CFAP299: variants seen among roughly 807,000 people sequenced by gnomAD.
CFAP299 encodes cilia- and flagella-associated protein 299.
Under a neutral mutation model 27.0 loss-of-function variants are expected in CFAP299, and 21 were observed. The ratio of observed to expected loss-of-function variants is 0.78; its 90% CI spans 0.55 to 1.12. The LOEUF is 1.12. Ranked by LOEUF, CFAP299 falls within the 50% of genes most tolerant of loss-of-function variation. The pLI, the probability that CFAP299 is intolerant of heterozygous loss-of-function variation, is 0.00. For missense variants in CFAP299, 310 were observed against 276.6 expected (o/e 1.12, Z -0.86); for synonymous variants, 104 against 98.1 (o/e 1.06, Z -0.36).
intron 3 of CFAP299, among the ~76,000 whole-genome samples, chr4:80,807,008 A>G (rs1303195064): frequency 1.3e-5 from 2 of 152,202 alleles, no homozygotes; most frequent in Non-Finnish European, 2.9e-5. Context: ...CTTTGGGCTT[A>G]TTCATGAACT....
At chr4:80,351,553 T>G (rs1723015283) in intron 1 of CFAP299, among the ~76,000 whole-genome samples, 1 of 151,864 alleles carries the variant, frequency 6.6e-6, no homozygotes. Context: ...AATAATCAAA[T>G]ATCAAAGCAA....
chr4:80,490,147 T>C (rs1412523059), intron 2 of CFAP299, among the ~76,000 whole-genome samples: 1 of 152,214 alleles, frequency 6.6e-6, no homozygotes, highest in Non-Finnish European at 1.5e-5. Flanking sequence ...ATGATCCATG[T>C]TACCTCTTAT....
chr4:80,475,621 C>A (rs566100473), intron 2 of CFAP299, among the ~76,000 whole-genome samples: 50 of 152,162 alleles, frequency 3.3e-4, no homozygotes, highest in South Asian at 1.0e-3. Context: ...AATATCTTTT[C>A]GATATGTTAA....
chr4:80,411,035 T>C (rs911497745), intron 2 of CFAP299, among the ~76,000 whole-genome samples: 2 of 152,180 alleles, frequency 1.3e-5, no homozygotes, highest in African/African-American at 4.8e-5. Flanking sequence ...GGTAATGTAT[T>C]ATACGTGTCA....
rs376169005 is a variant in CFAP299 at position 80,800,557 on chromosome 4, T to TAA, written c.334-69436_334-69435insAA. ...ATATAATATATAATATATCAATATA[T>TAA]TATATAATATATTAATATAAATATA... On this transcript the variant is annotated intron_variant, in intron 3 of 5. Coordinates refer to ENST00000358105, the MANE Select transcript of CFAP299 (RefSeq NM_152770.3). 1.1e-3 allele frequency among the ~76,000 whole-genome samples: 41 copies of TAA among 37,826 alleles called. 2 individuals carry two copies. The highest frequency in any genetic ancestry group is 2.0e-3 in the Admixed American group (4 of 1,972). 24.8% of individuals were successfully genotyped at this position (37,826 alleles called of 152,430 possible).
chr4:80,865,527 T>C (rs1732670009), intron 3 of CFAP299, among the ~76,000 whole-genome samples: 1 of 152,210 alleles, frequency 6.6e-6, no homozygotes, highest in African/African-American at 2.4e-5. Flanking sequence ...ATTAAATGTT[T>C]AGTTGTAATT....
chr4:80,460,699 G>A (rs547867810), intron 2 of CFAP299, among the ~76,000 whole-genome samples: 1 of 152,282 alleles, frequency 6.6e-6, no homozygotes, highest in East Asian at 1.9e-4. Context: ...TGTAACCAAA[G>A]ATAAATCCAA....
chr4:80,605,389 ATCACTT>A (rs1217042340), intron 3 of CFAP299, among the ~76,000 whole-genome samples: 1 of 152,192 alleles, frequency 6.6e-6, no homozygotes, highest in Non-Finnish European at 1.5e-5. Context: ...TTTCATAATA[ATCACTT>A]TTTCTTAAAC....
chr4:80,872,832 G>C, intron 4 of CFAP299: 1 of 877,408 alleles, frequency 1.1e-6, no homozygotes, highest in Non-Finnish European at 1.4e-6. Flanking sequence ...CAAATTATAA[G>C]ATTCGTTTTA....
chr4:80,831,648 G>A (rs539537178), intron 3 of CFAP299, among the ~76,000 whole-genome samples: 4 of 152,182 alleles, frequency 2.6e-5, no homozygotes, highest in Non-Finnish European at 4.4e-5. Context: ...ACTCTCAAGT[G>A]AGTTACATAC....
chr4:80,600,316 C>T (rs1178005992), intron 3 of CFAP299, among the ~76,000 whole-genome samples: 2 of 152,086 alleles, frequency 1.3e-5, no homozygotes, highest in Non-Finnish European at 2.9e-5. Flanking sequence ...ATGAACTCCC[C>T]TTTTACCCTT....
At chr4:80,945,438 A>G (rs1460617086) in intron 5 of CFAP299, among the ~76,000 whole-genome samples, 1 of 152,246 alleles carries the variant, frequency 6.6e-6, no homozygotes, top group Non-Finnish European at 1.5e-5. Flanking sequence ...TTTTAAAGAC[A>G]TGTCTCATGA....
At chr4:80,742,400 T>C (rs1724327924) in intron 3 of CFAP299, among the ~76,000 whole-genome samples, 1 of 152,196 alleles carries the variant, frequency 6.6e-6, no homozygotes, top group African/African-American at 2.4e-5. Context: ...CAAATAATTT[T>C]TTAGTTTCTA....
intron 2 of CFAP299, among the ~76,000 whole-genome samples, chr4:80,364,089 A>ACACACACACACACACACACACACACAC (rs1553916989): frequency 9.0e-6 from 1 of 110,844 alleles, no homozygotes; most frequent in African/African-American, 3.8e-5. Context: ...TCCGTCTCAA[A>ACACACACACACACACACACACACACAC]ACACACACAC....
chr4:80,800,523 T>C (rs1560419203), intron 3 of CFAP299, among the ~76,000 whole-genome samples: 111 of 3,918 alleles, frequency 0.028, 11 homozygotes, highest in African/African-American at 0.057. Context: ...ATATAATATA[T>C]AATATATTAT....
chr4:80,462,238 T>C (rs1729473423), intron 2 of CFAP299, among the ~76,000 whole-genome samples: 1 of 152,142 alleles, frequency 6.6e-6, no homozygotes, highest in South Asian at 2.1e-4. Context: ...AGTCAGTCAA[T>C]TCTCTTCTTA....
chr4:80,366,972 G>C (rs1179770739), intron 2 of CFAP299, among the ~76,000 whole-genome samples: 2 of 152,150 alleles, frequency 1.3e-5, no homozygotes, highest in East Asian at 3.8e-4. Flanking sequence ...CTTACTGCAT[G>C]ATACCATTTA....
the CFAP299 span, among the ~76,000 whole-genome samples, chr4:80,329,096 C>T: frequency 2.7e-3 from 413 of 151,682 alleles, 4 homozygotes; most frequent in African/African-American, 9.7e-3. Context: ...TTTTCTTTAG[C>T]TCATCAGCCA....
intron 2 of CFAP299, among the ~76,000 whole-genome samples, chr4:80,368,390 A>G (rs1723949873): frequency 6.6e-6 from 1 of 152,210 alleles, no homozygotes; most frequent in African/African-American, 2.4e-5. Flanking sequence ...ATAAATCTCC[A>G]GCCTTTCTTA....
Sources: allele counts gnomAD v4.1 joint callset (sites outside exome capture counted in the v4.1 genomes callset), GRCh38; gene constraint gnomAD v4.1.1; transcripts MANE v1.5; gene names NCBI Gene and HGNC (gene_info 2026-07-23, HGNC 2026-07-21).